Variants in EXOC3L4 observed in about 807,000 individuals in gnomAD.
The protein encoded by EXOC3L4 is exocyst complex component 3-like protein 4.
Under a neutral mutation model 69.7 loss-of-function variants are expected in EXOC3L4, and 62 were observed. That is an observed-to-expected ratio of 0.89 (90% CI 0.72 to 1.10). EXOC3L4 has a LOEUF of 1.10. Ranked by LOEUF, EXOC3L4 falls within the 50% of genes least tolerant of loss-of-function variation. The pLI is 0.00. For synonymous variants in EXOC3L4, 502 were observed against 464.2 expected (o/e 1.08, Z -1.05); for missense variants, 1,087 against 1,034.8 (o/e 1.05, Z -0.69).
chr14:103,109,774 C>G (rs1262316073), intron 11 of EXOC3L4, among the ~76,000 whole-genome samples: 1 of 148,810 alleles, frequency 6.7e-6, no homozygotes, highest in African/African-American at 2.5e-5. Flanking sequence ...TCCCTCCACG[C>G]CTTTGCGTGG....
At chr14:103,104,501 G>C in intron 5 of EXOC3L4, 112 bp downstream of exon 5, 2 of 1,387,094 alleles carry the variant, frequency 1.4e-6, no homozygotes, top group Non-Finnish European at 1.9e-6. Context: ...TCCGTTAGAT[G>C]GGAGCCTGAG....
rs552161148 is a variant in EXOC3L4 at position 103,104,537 on chromosome 14, C to T, written c.1284+148C>T. The stretch of plus-strand genomic sequence containing the variant: ...GCCCCACGCGGGGGGAAATCGGGGA[C>T]CCCCGGCGCGCCGACGGGCAGGGAG... On this transcript the variant is annotated intron_variant, in intron 5 of 11. Transcript: ENST00000688303. The T allele has an allele frequency of 5.1e-4, 688 of 1,340,534 alleles. 2 individuals are homozygous for T. The African/African-American group carries it at 9.6e-3, about 19-fold the overall frequency. 83.0% of individuals were successfully genotyped at this position (1,340,534 alleles called of 1,614,324 possible). A position where few individuals can be genotyped will look rare whatever the true frequency, so the allele number is the denominator to read the frequency against.
rs1312867107 is a variant in EXOC3L4, at chr14:103,100,354, C to A, written c.135C>A (p.Gly45=). The A allele has an allele frequency of 2.5e-6, 4 of 1,603,284 alleles. No homozygotes were observed. The highest frequency in any genetic ancestry group is 3.4e-6 in the Non-Finnish European group (4 of 1,174,742). ...RKEPNAHRKD[G]TRLGLGSLRQ... ...AGCCCAATGCCCACCGCAAGGATGG[C>A]ACAAGGCTGGGCCTGGGCTCCCTGA... Residue 45 remains glycine (G), a synonymous_variant, in exon 2 of 12, where the codon GGC becomes GGA. Transcript: ENST00000688303.
rs147812295 is a variant in EXOC3L4, at chr14:103,103,098, C to T, written c.1049+326C>T. ...GGCACATCTTGGCCAGGCGCCATGG[C>T]TCACGCCTGTAATCCCAGCATTTTG... is the stretch of plus-strand genomic sequence containing the variant. On this transcript the variant is annotated intron_variant, in intron 3 of 11. Transcript: ENST00000688303. Among the ~76,000 whole-genome samples the T allele has an allele frequency of 4.8e-3, 728 of 152,302 alleles. 7 individuals carry two copies. The highest frequency in any genetic ancestry group is 0.017 in the African/African-American group (701 of 41,572).
chr14:103,104,394 G>T lies in EXOC3L4; in HGVS notation c.1284+5G>T, dbSNP rs1201070155. ...CTGTCCATGGACGTCCATATGGTGCGGCCCGGGAGCAGGGGCTGAGAAGGG... is the reference window on the plus strand; with the variant it reads ...CTGTCCATGGACGTCCATATGGTGCTGCCCGGGAGCAGGGGCTGAGAAGGG... On this transcript the variant is annotated splice_donor_5th_base_variant and intron_variant, in intron 5 of 11. Transcript: ENST00000688303. The T allele has an allele frequency of 1.3e-6, 2 of 1,558,508 alleles. No homozygotes were observed. Among genetic ancestry groups the T allele is most frequent in the Non-Finnish European group, 1.7e-6 (2 of 1,154,032 alleles).
chr14:103,096,073 C>T (rs750352094), intron 1 of EXOC3L4, among the ~76,000 whole-genome samples: 20 of 152,076 alleles, frequency 1.3e-4, no homozygotes, highest in Non-Finnish European at 2.8e-4. Context: ...TTTATAGGGC[C>T]GGGCATGGTG....
At chr14:103,105,192 G>A (rs554238492) in intron 7 of EXOC3L4, 120 bp downstream of exon 7, 614 of 973,522 alleles carry the variant, frequency 6.3e-4, no homozygotes, top group Non-Finnish European at 8.8e-4. Flanking sequence ...GAGTGTGTGT[G>A]TGTGTTTGTG....
In EXOC3L4 at chr14:103,107,411, C is replaced by G. The variant is rs1220751364; in HGVS notation, c.1582-13C>G. On this transcript the variant is annotated splice_polypyrimidine_tract_variant and intron_variant, in intron 8 of 11. Coordinates refer to ENST00000688303, the MANE Select transcript of EXOC3L4 (RefSeq NM_001077594.2). The stretch of plus-strand genomic sequence containing the variant: ...AGTGCACATTTGCAGACTCCCAGCC[C>G]CTCTGTCCCCAGCCGCTCTTCAGGG... The G allele has an allele frequency of 6.2e-7, 1 of 1,611,954 alleles. No individual in the cohort carries two copies. Among genetic ancestry groups the G allele is most frequent in the Non-Finnish European group, 8.5e-7 (1 of 1,178,692 alleles).
chr14:103,100,754 A>G, intron 2 of EXOC3L4, 141 bp downstream of exon 2: 1 of 1,171,656 alleles, frequency 8.5e-7, no homozygotes, highest in Non-Finnish European at 1.2e-6. Flanking sequence ...TATTTATTTG[A>G]GACAGGGTCT....
chr14:103,108,513 A>G lies in EXOC3L4; in HGVS notation c.1972A>G (p.Ile658Val), dbSNP rs377097077. 13 of 1,613,230 alleles carry G rather than the reference A, an allele frequency of 8.1e-6. No homozygotes were observed. In the African/African-American group the frequency reaches 1.7e-4, roughly 22 times the overall value. ...GACTCTTATCCGGAGCTACCCCGAC[A>G]TCAGGTGTGTACCCCACCTGCTTCC... ...LETLIRSYPDIRRDHILAILA... is the reference protein window; with the variant it reads ...LETLIRSYPDVRRDHILAILA... The change falls in exon 11 of 12, where the codon ATC becomes GTC. Residue 658 changes from isoleucine to valine, a missense_variant. By Grantham distance (29) the Ile-to-Val change is conservative (BLOSUM62 3). Coordinates refer to ENST00000688303, the MANE Select transcript of EXOC3L4 (RefSeq NM_001077594.2).
At chr14:103,095,604 AG>A (rs1177779494) in intron 1 of EXOC3L4, among the ~76,000 whole-genome samples, 2 of 152,186 alleles carry the variant, frequency 1.3e-5, no homozygotes. Flanking sequence ...CTGAAGCCAG[AG>A]GGGTCATTAG....
Position 103,108,505 on chromosome 14 carries a change from AC to A in EXOC3L4, c.1968del (p.Asp657ThrfsTer32), listed in dbSNP as rs1432938785. 6.2e-7 allele frequency: 1 copy of A among 1,613,474 alleles called. No homozygotes were observed. Among genetic ancestry groups the A allele is most frequent in the Non-Finnish European group, 8.5e-7 (1 of 1,179,694 alleles). On this transcript the variant is annotated frameshift_variant, in exon 11 of 12. Coordinates refer to ENST00000688303, the MANE Select transcript of EXOC3L4 (RefSeq NM_001077594.2). LOFTEE classifies it low-confidence loss of function (END_TRUNC). ...QRHLETLIRS[Y>X]PDIRRDHILA... Reference sequence around the variant, plus strand: ...CACCTGGAGACTCTTATCCGGAGCTACCCCGACATCAGGTGTGTACCCCACC... The same window carrying A: ...CACCTGGAGACTCTTATCCGGAGCTACCCGACATCAGGTGTGTACCCCACC...
In EXOC3L4 at chr14:103,110,161, C is replaced by T. The variant is rs776875750; in HGVS notation, c.2107C>T (p.Arg703Cys). ...GAAGAEAPRG[R>C]VLFEEIKVPS... ...GGCGGGTGCGGAGGCCCCTCGGGGC[C>T]GCGTGCTCTTCGAGGAGATCAAGGT... The change falls in exon 12 of 12, where the codon CGC becomes TGC. Residue 703 changes from arginine (R) to cysteine (C), a missense_variant. Arg to Cys is a radical substitution (Grantham distance 180). Transcript: ENST00000688303. 3.8e-5 allele frequency: 58 copies of T among 1,540,702 alleles called. No individual in the cohort carries two copies. The South Asian group carries it at 3.9e-4, about 10-fold the overall frequency.
In EXOC3L4 at chr14:103,108,859, G is replaced by A. The variant is rs182220289; in HGVS notation, c.1976+342G>A. On this transcript the variant is annotated intron_variant, in intron 11 of 11. Transcript: ENST00000688303. ...TCAGGAGGAAGGAGGTTTTGATCCCGGGTTGTGCTGGGGGGTCGGTGAGTC... is the reference window on the plus strand; with the variant it reads ...TCAGGAGGAAGGAGGTTTTGATCCCAGGTTGTGCTGGGGGGTCGGTGAGTC... Among the ~76,000 whole-genome samples the A allele has an allele frequency of 1.1e-4, 17 of 152,202 alleles. No homozygotes were observed. The East Asian group carries it at 3.1e-3, about 28-fold the overall frequency.
intron 1 of EXOC3L4, chr14:103,099,001 G>A (rs1890026951): frequency 6.6e-6 from 1 of 152,196 alleles, no homozygotes; most frequent in African/African-American, 2.4e-5. Context: ...CCACTTTGGT[G>A]TCATTCCACC....
At chr14:103,104,947 C>A (rs1890450218) in intron 6 of EXOC3L4, 45 bp from the exon 7 acceptor site, 1 of 1,586,502 alleles carries the variant, frequency 6.3e-7, no homozygotes. Flanking sequence ...AGGGTCATCG[C>A]GCAGCTAGGG....
In EXOC3L4 at chr14:103,107,419, C is replaced by T. The variant is rs200667781; in HGVS notation, c.1582-5C>T. On this transcript the variant is annotated splice_polypyrimidine_tract_variant and splice_region_variant and intron_variant, in intron 8 of 11. Transcript: ENST00000688303. ...TTTGCAGACTCCCAGCCCCTCTGTC[C>T]CCAGCCGCTCTTCAGGGTTGTGTGC... 6.2e-7 allele frequency: 1 copy of T among 1,612,964 alleles called. No individual in the cohort carries two copies. Among genetic ancestry groups the T allele is most frequent in the African/African-American group, 1.3e-5 (1 of 75,032 alleles).
chr14:103,100,113 TC>T (rs1890087352), intron 1 of EXOC3L4, 90 bp from the exon 2 acceptor site: 1 of 1,377,232 alleles, frequency 7.3e-7, no homozygotes, highest in African/African-American at 1.5e-5. Flanking sequence ...TGGAGAGCCT[TC>T]CTTGACCAAG....
At chr14:103,108,306 G>C (rs1206367250) in intron 10 of EXOC3L4, 90 bp from the exon 11 acceptor site, 2 of 1,535,098 alleles carry the variant, frequency 1.3e-6, no homozygotes, top group African/African-American at 2.7e-5. Flanking sequence ...CTGCGGGAGG[G>C]CTGACCTCGC....
Sources: allele counts gnomAD v4.1 joint callset (sites outside exome capture counted in the v4.1 genomes callset), GRCh38; gene constraint gnomAD v4.1.1; transcripts MANE v1.5; gene names NCBI Gene and HGNC (gene_info 2026-07-23, HGNC 2026-07-21).